Variants in CADM2 observed in about 807,000 individuals in gnomAD.
The protein encoded by CADM2 is immunoglobulin superfamily member 4D.
Under a neutral mutation model 49.8 loss-of-function variants are expected in CADM2, and 12 were observed. The observed-to-expected ratio is 0.24, with a 90% CI of 0.15 to 0.39. CADM2 has a LOEUF of 0.39. Ranked by LOEUF, CADM2 falls within the 10% of genes least tolerant of loss-of-function variation. The pLI is 1.00. For missense variants in CADM2, 378 were observed against 492.3 expected (o/e 0.77, Z 2.20); for synonymous variants, 214 against 175.4 (o/e 1.22, Z -1.74).
intron 3 of CADM2, among the ~76,000 whole-genome samples, chr3:85,814,339 G>C (rs1339019827): frequency 6.6e-6 from 1 of 151,856 alleles, no homozygotes; most frequent in Non-Finnish European, 1.5e-5. Context: ...TTTGGTCTCT[G>C]TTTGTATGTT....
intron 1 of CADM2, among the ~76,000 whole-genome samples, chr3:85,223,198 G>T (rs1464479500): frequency 2.0e-5 from 3 of 152,074 alleles, no homozygotes; most frequent in African/African-American, 4.8e-5. Context: ...ACAAAATCAT[G>T]CAGTTTTTTA....
chr3:86,056,599 G>C (rs925115508), intron 8 of CADM2, among the ~76,000 whole-genome samples: 3 of 152,196 alleles, frequency 2.0e-5, no homozygotes, highest in Non-Finnish European at 2.9e-5. Flanking sequence ...ATCTTCCCAG[G>C]AGGGAAGCTG....
At chr3:85,139,075 T>C (rs2039502851) in intron 1 of CADM2, among the ~76,000 whole-genome samples, 1 of 152,144 alleles carries the variant, frequency 6.6e-6, no homozygotes, top group South Asian at 2.1e-4. Flanking sequence ...CAGTTATCTG[T>C]GTGGCTGTAT....
intron 1 of CADM2, among the ~76,000 whole-genome samples, chr3:85,436,236 T>C (rs1416510064): frequency 2.6e-5 from 4 of 152,102 alleles, no homozygotes; most frequent in Non-Finnish European, 4.4e-5. Context: ...CTATTATTGG[T>C]GTATAGGAAT....
At chr3:86,022,598 G>A (rs1733340595) in intron 8 of CADM2, among the ~76,000 whole-genome samples, 1 of 151,962 alleles carries the variant, frequency 6.6e-6, no homozygotes, top group Non-Finnish European at 1.5e-5. Context: ...TGTAAATGAT[G>A]ACCTGTTTCT....
chr3:85,140,667 G>T (rs1030361857), intron 1 of CADM2, among the ~76,000 whole-genome samples: 1 of 152,162 alleles, frequency 6.6e-6, no homozygotes, highest in Admixed American at 6.5e-5. Context: ...GGCTTAAGAG[G>T]TTAAGTAACT....
intron 1 of CADM2, among the ~76,000 whole-genome samples, chr3:85,474,339 C>T (rs976018321): frequency 6.6e-6 from 1 of 151,912 alleles, no homozygotes; most frequent in Non-Finnish European, 1.5e-5. Context: ...TTCTTACTGA[C>T]AGGAGGCCAG....
At chr3:85,253,964 A>G (rs1199849887) in intron 1 of CADM2, among the ~76,000 whole-genome samples, 2 of 152,014 alleles carry the variant, frequency 1.3e-5, no homozygotes, top group Non-Finnish European at 2.9e-5. Context: ...TTCAGTTCTG[A>G]TATTATCTAT....
intron 1 of CADM2, among the ~76,000 whole-genome samples, chr3:84,963,561 TTTTGTTTGTTTG>T (rs546860560): frequency 6.6e-6 from 1 of 152,136 alleles, no homozygotes; most frequent in African/African-American, 2.4e-5. Flanking sequence ...CTTTAGGTTT[TTTTGTTTGTTTG>T]TTTGTTTGTT....
intron 1 of CADM2, among the ~76,000 whole-genome samples, chr3:85,241,621 G>A (rs1290636774): frequency 3.3e-5 from 5 of 151,470 alleles, no homozygotes; most frequent in Non-Finnish European, 7.4e-5. Flanking sequence ...TAGGTAAAAT[G>A]ATTTAGGTTA....
At chr3:85,392,363 T>C (rs1028923660) in intron 1 of CADM2, among the ~76,000 whole-genome samples, 1 of 152,130 alleles carries the variant, frequency 6.6e-6, no homozygotes, top group Non-Finnish European at 1.5e-5. Flanking sequence ...ACACAGGCTA[T>C]AGAAACTAAC....
intron 1 of CADM2, among the ~76,000 whole-genome samples, chr3:85,395,296 CAAAAAAAAAAAAA>C (rs58315220): frequency 1.3e-5 from 1 of 75,542 alleles, no homozygotes; most frequent in Admixed American, 1.8e-4. Context: ...AGACTCCATA[CAAAAAAAAAAAAA>C]AAAAAAAGGA....
chr3:85,296,229 T>C (rs2043960379), intron 1 of CADM2, among the ~76,000 whole-genome samples: 1 of 152,060 alleles, frequency 6.6e-6, no homozygotes, highest in African/African-American at 2.4e-5. Context: ...AAATCTATAG[T>C]TTGAGTTCAT....
At chr3:85,334,346 CAT>C (rs916740001) in intron 1 of CADM2, among the ~76,000 whole-genome samples, 1 of 151,526 alleles carries the variant, frequency 6.6e-6, no homozygotes, top group Non-Finnish European at 1.5e-5. Context: ...TAAAAAATGA[CAT>C]ATGGACTTCA....
chr3:84,974,938 T>C lies in CADM2; in HGVS notation c.61+15270T>C, dbSNP rs548062253. ...TGATAACATTTTTGTACAGTTTGGG[T>C]TGATTTAGTGTAAAATGCTGCAAAT... is the stretch of plus-strand genomic sequence containing the variant. On this transcript the variant is annotated intron_variant, in intron 1 of 9. Transcript: ENST00000383699. Among the ~76,000 whole-genome samples, 4 of 152,018 alleles carry C rather than the reference T, an allele frequency of 2.6e-5. No individual in the cohort carries two copies. In the South Asian group the frequency reaches 8.3e-4, roughly 31 times the overall value.
intron 1 of CADM2, among the ~76,000 whole-genome samples, chr3:85,086,895 C>T (rs946491712): frequency 6.6e-5 from 10 of 152,114 alleles, no homozygotes; most frequent in Admixed American, 1.3e-4. Context: ...GTGTAGCCAT[C>T]TGCTTTCATA....
intron 1 of CADM2, among the ~76,000 whole-genome samples, chr3:85,449,336 C>T (rs1436335097): frequency 6.6e-6 from 1 of 151,366 alleles, no homozygotes; most frequent in East Asian, 1.9e-4. Context: ...GAAATAGCTC[C>T]TGAAAGTTTA....
Position 85,381,895 on chromosome 3 carries a change from G to C in CADM2, c.62-344627G>C, listed in dbSNP as rs575630922. ...GCAGGACACACTGACATGCCAGTAT[G>C]TCAGAAAGGCTCAGAAAAACCATTC... is the stretch of plus-strand genomic sequence containing the variant. On this transcript the variant is annotated intron_variant, in intron 1 of 9. Coordinates refer to ENST00000383699, the MANE Select transcript of CADM2 (RefSeq NM_001167675.2). Among the ~76,000 whole-genome samples the C allele has an allele frequency of 3.9e-4, 59 of 152,040 alleles. 1 individual carries two copies. The highest frequency in any genetic ancestry group is 1.3e-3 in the African/African-American group (53 of 41,488).
chr3:85,400,596 G>T (rs2035052067), intron 1 of CADM2, among the ~76,000 whole-genome samples: 2 of 152,002 alleles, frequency 1.3e-5, no homozygotes, highest in African/African-American at 2.4e-5. Context: ...TTTTTGGTTG[G>T]TAGGCTATTA....
Sources: gnomAD v4.1 joint callset for allele counts (sites outside exome capture counted in the v4.1 genomes callset) on GRCh38, gnomAD v4.1.1 for gene constraint, MANE v1.5 for transcripts, NCBI Gene and HGNC (gene_info 2026-07-23, HGNC 2026-07-21) for gene names.